Variants in TMEM164 observed in about 807,000 individuals in gnomAD.
TMEM164 encodes transmembrane protein 164, also known as RP13-360B22.2.
In TMEM164, 4 loss-of-function variants were observed where a neutral mutation model predicts 18.8. That is an observed-to-expected ratio of 0.21 (90% CI 0.10 to 0.49). The LOEUF (loss-of-function observed/expected upper bound fraction) is 0.49, where lower values mean the gene tolerates loss of function less well. Ranked by LOEUF, TMEM164 falls within the 20% of genes least tolerant of loss-of-function variation. The pLI is 0.98. For missense variants in TMEM164, 108 were observed against 239.9 expected, an observed-to-expected ratio of 0.45 and a Z score of 3.63; for synonymous variants, 86 against 101.7, an observed-to-expected ratio of 0.85 and a Z score of 0.93.
chrX:110,181,287 T>C (rs2067322886), downstream of TMEM164, among the ~76,000 whole-genome samples: 2 of 112,170 alleles, frequency 1.8e-5, no homozygotes, highest in Non-Finnish European at 3.8e-5. Flanking sequence ...GAATAATACC[T>C]AAATTCAGCT....
chrX:110,096,736 A>T (rs2066026817), intron 3 of TMEM164, among the ~76,000 whole-genome samples: 1 of 112,019 alleles, frequency 8.9e-6, no homozygotes, highest in African/African-American at 3.2e-5. Context: ...TCAGTTGGAA[A>T]TGCAGAAATC....
At chrX:110,033,545 G>A (rs1934616580) in intron 2 of TMEM164, among the ~76,000 whole-genome samples, 1 of 111,991 alleles carries the variant, frequency 8.9e-6, no homozygotes, top group Admixed American at 9.5e-5. Context: ...TATCAGGCAG[G>A]TAGCAAAGGC....
At chrX:110,116,073 G>T (rs748510089) in intron 4 of TMEM164, among the ~76,000 whole-genome samples, 1 of 111,966 alleles carries the variant, frequency 8.9e-6, no homozygotes, top group East Asian at 2.8e-4. Context: ...CAGTCTGGGT[G>T]ACAGAGCAAG....
intron 3 of TMEM164, among the ~76,000 whole-genome samples, chrX:110,072,632 A>G (rs2065611578): frequency 9.0e-6 from 1 of 111,102 alleles, no homozygotes; most frequent in Non-Finnish European, 1.9e-5. Context: ...TCTCCTCTGT[A>G]TATTAATCAG....
intron 3 of TMEM164, among the ~76,000 whole-genome samples, chrX:110,105,351 G>T (rs2066174147): frequency 9.1e-6 from 1 of 110,249 alleles, no homozygotes; most frequent in Admixed American, 9.8e-5. Flanking sequence ...CTATGAATTG[G>T]GTACTATTAT....
At chrX:110,098,055 C>G (rs1429170116) in intron 3 of TMEM164, among the ~76,000 whole-genome samples, 1 of 111,799 alleles carries the variant, frequency 8.9e-6, no homozygotes, top group Admixed American at 9.5e-5. Flanking sequence ...CATACTCTTC[C>G]TTTAGTGTGA....
intron 5 of TMEM164, 49 bp downstream of exon 5, chrX:110,144,925 C>T (rs781036214): frequency 8.0e-5 from 83 of 1,042,557 alleles, no homozygotes; most frequent in Non-Finnish European, 1.1e-4. Context: ...CCTAACCTCT[C>T]CCTTCTGTTT....
chrX:110,017,512 C>CCT (rs1933517185), intron 2 of TMEM164, among the ~76,000 whole-genome samples: 4 of 20,160 alleles, frequency 2.0e-4, no homozygotes, highest in African/African-American at 1.0e-3. Flanking sequence ...CCCTCCCTCC[C>CCT]TCCTTCCTTC....
rs988110137 is a variant in TMEM164, at chrX:110,174,805, A to G, written c.*1354A>G. On this transcript the variant is annotated 3_prime_UTR_variant, in exon 7 of 7. Coordinates refer to ENST00000372068, the MANE Select transcript of TMEM164 (RefSeq NM_032227.4). Reference sequence around the variant, plus strand: ...TGACTCCACATTGACTCCCACTAGGAACAGATTTGCTTAAGAACAGAAAAG... The same window carrying G: ...TGACTCCACATTGACTCCCACTAGGGACAGATTTGCTTAAGAACAGAAAAG... 28 of 111,905 alleles carry G rather than the reference A, an allele frequency of 2.5e-4. No individual in the cohort carries two copies. In the Admixed American group the frequency reaches 2.6e-3, roughly 11 times the overall value. 9.2% of individuals were successfully genotyped at this position (111,905 alleles called of 1,213,427 possible).
intron 2 of TMEM164, among the ~76,000 whole-genome samples, chrX:110,005,943 G>T (rs1308672482): frequency 9.0e-6 from 1 of 111,277 alleles, no homozygotes; most frequent in Non-Finnish European, 1.9e-5. Flanking sequence ...CTGGAGCTGC[G>T]GCTGATGTGA....
chrX:110,029,957 A>G (rs189299331), intron 2 of TMEM164, among the ~76,000 whole-genome samples: 1 of 110,692 alleles, frequency 9.0e-6, no homozygotes, highest in African/African-American at 3.3e-5. Flanking sequence ...TTTTAAAAAA[A>G]ACTTTATTTT....
At chrX:110,180,613 A>G (rs969900879), downstream of TMEM164, among the ~76,000 whole-genome samples, 11 of 110,939 alleles carry the variant, frequency 9.9e-5, no homozygotes, top group African/African-American at 3.6e-4. Flanking sequence ...CCTGTGGCTA[A>G]TGGATGCCCT....
intron 4 of TMEM164, among the ~76,000 whole-genome samples, chrX:110,117,948 T>G (rs1282586494): frequency 1.8e-5 from 2 of 112,243 alleles, no homozygotes; most frequent in Non-Finnish European, 3.8e-5. Context: ...AGTCTCAGTC[T>G]GCCACCCAGG....
Position 110,174,561 on chromosome X carries a change from T to C in TMEM164, c.*1110T>C, listed in dbSNP as rs945762449. On this transcript the variant is annotated 3_prime_UTR_variant, in exon 7 of 7. Coordinates refer to ENST00000372068, the MANE Select transcript of TMEM164 (RefSeq NM_032227.4). ...TTTCCCTAGGGCCAGATTTCTTCAG[T>C]GTATCCACACTCAGTGCTGAATTGT... 2.7e-5 allele frequency: 3 copies of C among 110,538 alleles called. No individual in the cohort carries two copies. In the East Asian group the frequency reaches 8.6e-4, roughly 32 times the overall value. 9.1% of individuals were successfully genotyped at this position (110,538 alleles called of 1,213,427 possible).
At chrX:110,011,278 T>A (rs771965723) in intron 2 of TMEM164, among the ~76,000 whole-genome samples, 121 of 112,091 alleles carry the variant, frequency 1.1e-3, no homozygotes, top group Non-Finnish European at 1.4e-3. Context: ...AATTACAACA[T>A]TACATGTATA....
chrX:110,021,962 G>C (rs1933896775), intron 2 of TMEM164, among the ~76,000 whole-genome samples: 1 of 111,403 alleles, frequency 9.0e-6, no homozygotes, highest in Non-Finnish European at 1.9e-5. Context: ...GAGAACAGTG[G>C]AGGTCAGAGT....
At chrX:110,034,570 G>A (rs1282328883) in intron 2 of TMEM164, among the ~76,000 whole-genome samples, 1 of 111,960 alleles carries the variant, frequency 8.9e-6, no homozygotes, top group Admixed American at 9.4e-5. Flanking sequence ...ATACAAATCA[G>A]TCAGTGGGCC....
chrX:110,087,770 C>G, intron 3 of TMEM164, among the ~76,000 whole-genome samples: 1 of 111,850 alleles, frequency 8.9e-6, no homozygotes, highest in Non-Finnish European at 1.9e-5. Context: ...TAAAGTTGTT[C>G]ATCTTCATGT....
At chrX:110,117,623 G>T (rs1042793513) in intron 4 of TMEM164, among the ~76,000 whole-genome samples, 4 of 111,715 alleles carry the variant, frequency 3.6e-5, no homozygotes, top group African/African-American at 1.3e-4. Context: ...AAAGGAAAAA[G>T]ATTTTTTTAA....
Sources: allele counts gnomAD v4.1 joint callset (sites outside exome capture counted in the v4.1 genomes callset), GRCh38; gene constraint gnomAD v4.1.1; transcripts MANE v1.5; gene names NCBI Gene and HGNC (gene_info 2026-07-23, HGNC 2026-07-21).